CSNK1G1: variants seen among roughly 807,000 people sequenced by gnomAD.
CSNK1G1 encodes the protein casein kinase I isoform gamma-1.
Under a neutral mutation model 59.6 loss-of-function variants are expected in CSNK1G1, and 22 were observed. The ratio of observed to expected loss-of-function variants is 0.37; its 90% CI spans 0.26 to 0.53. CSNK1G1 has a LOEUF of 0.53. CSNK1G1 is among the 20% of genes least tolerant of loss of function. CSNK1G1 has a pLI of 0.89. For synonymous variants in CSNK1G1, 179 were observed against 177.1 expected (o/e 1.01, Z -0.08); for missense variants, 384 against 519.5 (o/e 0.74, Z 2.54).
intron 3 of CSNK1G1, among the ~76,000 whole-genome samples, chr15:64,254,373 G>A (rs1025370427): frequency 4.3e-5 from 6 of 138,584 alleles, no homozygotes; most frequent in African/African-American, 1.7e-4. Context: ...TTTTTTTTGA[G>A]ACGGAGTTTC....
At chr15:64,293,887 C>T (rs781047376) in intron 2 of CSNK1G1, among the ~76,000 whole-genome samples, 1 of 152,106 alleles carries the variant, frequency 6.6e-6, no homozygotes, top group Non-Finnish European at 1.5e-5. Context: ...AATTGTCTTC[C>T]ATGAAATGGG....
intron 1 of CSNK1G1, chr15:64,342,413 C>G (rs1191545802): frequency 1.3e-5 from 2 of 152,210 alleles, no homozygotes; most frequent in East Asian, 3.8e-4. Context: ...CTCACTAATA[C>G]TTCCCTAGAA....
At chr15:64,343,001 C>T (rs1231885322) in intron 1 of CSNK1G1, among the ~76,000 whole-genome samples, 2 of 152,056 alleles carry the variant, frequency 1.3e-5, no homozygotes, top group Admixed American at 6.6e-5. Flanking sequence ...TTGAAAAGTA[C>T]TATTCTATCT....
At chr15:64,301,614 G>A (rs1387506954) in intron 1 of CSNK1G1, among the ~76,000 whole-genome samples, 2 of 152,200 alleles carry the variant, frequency 1.3e-5, no homozygotes, top group East Asian at 3.8e-4. Flanking sequence ...AAGGCCAGGT[G>A]TGGTGGCTCA....
chr15:64,267,238 C>CA (rs746113077), intron 2 of CSNK1G1, among the ~76,000 whole-genome samples: 1 of 87,356 alleles, frequency 1.1e-5, no homozygotes, highest in Non-Finnish European at 2.1e-5. Context: ...GCCTGGGAGA[C>CA]AAAGCGAGAC....
At chr15:64,354,899 G>C (rs955771628) in intron 1 of CSNK1G1, among the ~76,000 whole-genome samples, 3 of 152,162 alleles carry the variant, frequency 2.0e-5, no homozygotes, top group African/African-American at 7.2e-5. Flanking sequence ...ACTTCCACTT[G>C]ACCGCAATTA....
chr15:64,267,301 C>T (rs1363376192), intron 2 of CSNK1G1, among the ~76,000 whole-genome samples: 2 of 148,088 alleles, frequency 1.4e-5, no homozygotes, highest in African/African-American at 5.0e-5. Flanking sequence ...AGAAAAACAG[C>T]ACTGGCAACA....
intron 1 of CSNK1G1, among the ~76,000 whole-genome samples, chr15:64,314,930 A>G (rs1896192305): frequency 6.6e-6 from 1 of 152,216 alleles, no homozygotes; most frequent in East Asian, 1.9e-4. Flanking sequence ...TAATGCTGCA[A>G]TGAACATAAG....
At chr15:64,286,576 T>G (rs1196255469) in intron 2 of CSNK1G1, among the ~76,000 whole-genome samples, 1 of 152,138 alleles carries the variant, frequency 6.6e-6, no homozygotes, top group East Asian at 1.9e-4. Context: ...TTTCTAAGTA[T>G]GAATCCCCAA....
chr15:64,183,685 T>G (rs2081850369), intron 10 of CSNK1G1, among the ~76,000 whole-genome samples: 1 of 152,086 alleles, frequency 6.6e-6, no homozygotes, highest in Non-Finnish European at 1.5e-5. Context: ...TTAAAAAGAA[T>G]CTTATGAATA....
intron 1 of CSNK1G1, among the ~76,000 whole-genome samples, chr15:64,321,361 T>C (rs1896556844): frequency 6.7e-6 from 1 of 150,098 alleles, no homozygotes; most frequent in Non-Finnish European, 1.5e-5. Flanking sequence ...GCTCAAGCAA[T>C]CCTCCCACCT....
At chr15:64,327,686 C>T (rs1312876818) in intron 1 of CSNK1G1, among the ~76,000 whole-genome samples, 3 of 151,938 alleles carry the variant, frequency 2.0e-5, no homozygotes, top group Admixed American at 6.6e-5. Context: ...ATGATTTTGA[C>T]GAGGTGAGAG....
At chr15:64,242,415 A>C (rs1342374467) in intron 4 of CSNK1G1, among the ~76,000 whole-genome samples, 2 of 151,816 alleles carry the variant, frequency 1.3e-5, no homozygotes, top group Non-Finnish European at 2.9e-5. Context: ...ACTCCCAGTC[A>C]CTCTTCTTCC....
At chr15:64,208,486 T>C (rs2082210872) in intron 6 of CSNK1G1, among the ~76,000 whole-genome samples, 1 of 152,200 alleles carries the variant, frequency 6.6e-6, no homozygotes. Context: ...TCAGAAAACA[T>C]CCTACACATT....
Position 64,214,147 on chromosome 15 carries a change from A to G in CSNK1G1, c.445-23T>C, listed in dbSNP as rs768045570. On this transcript the variant is annotated intron_variant, in intron 5 of 11. Coordinates refer to ENST00000303052, the MANE Select transcript of CSNK1G1 (RefSeq NM_022048.5). The surrounding 1 kb of genome is among the most constrained non-coding windows in gnomAD (Gnocchi z 4.3). The stretch of plus-strand genomic sequence containing the variant: ...AAGCTGAAAGAGAAACAAATGATAG[A>G]AAGACTGTAAAGAAGTATATCAGGA... 1.3e-6 allele frequency: 2 copies of G among 1,500,340 alleles called. No individual in the cohort carries two copies. Among genetic ancestry groups the G allele is most frequent in the South Asian group, 2.3e-5 (2 of 88,656 alleles). The allele number at this position is 1,500,340 out of a possible 1,614,324, so 92.9% of individuals were successfully genotyped here.
At chr15:64,267,525 G>A (rs1893054682) in intron 2 of CSNK1G1, among the ~76,000 whole-genome samples, 1 of 152,020 alleles carries the variant, frequency 6.6e-6, no homozygotes, top group Non-Finnish European at 1.5e-5. Context: ...TTTCTCAAAA[G>A]AAGACATTCA....
At position 64,167,877 on chromosome 15, in the gene CSNK1G1, T is replaced by C. The variant is rs1367294786; in HGVS notation, c.*4054A>G. On this transcript the variant is annotated 3_prime_UTR_variant, in exon 12 of 12. Transcript: ENST00000303052. ...CATGCTTGCTCACTGGGAGGAGGAA[T>C]GGATTTTATCTTTTACATAAAAAAG... is the stretch of plus-strand genomic sequence containing the variant. 1 of 152,232 alleles carries C rather than the reference T, an allele frequency of 6.6e-6. No homozygotes were observed. The highest frequency in any genetic ancestry group is 2.4e-5 in the African/African-American group (1 of 41,458). 9.4% of individuals were successfully genotyped at this position (152,232 alleles called of 1,614,324 possible).
chr15:64,348,282 A>C (rs1280025649), intron 1 of CSNK1G1: 2 of 152,192 alleles, frequency 1.3e-5, no homozygotes, highest in Admixed American at 6.5e-5. Flanking sequence ...AGAATGTACA[A>C]TGCAGAGTGA....
chr15:64,347,899 G>A (rs971729903), intron 1 of CSNK1G1, among the ~76,000 whole-genome samples: 1 of 151,776 alleles, frequency 6.6e-6, no homozygotes, highest in Non-Finnish European at 1.5e-5. Flanking sequence ...CCAGCTATTC[G>A]GGAGGCTGAG....
Sources: gnomAD v4.1 joint callset for allele counts (sites outside exome capture counted in the v4.1 genomes callset) on GRCh38, gnomAD v4.1.1 for gene constraint, Gnocchi (gnomAD v3.1) non-coding constraint, MANE v1.5 for transcripts, NCBI Gene and HGNC (gene_info 2026-07-23, HGNC 2026-07-21) for gene names.